CTXND2: variants seen among roughly 807,000 people sequenced by gnomAD.
The protein encoded by CTXND2 is cortexin domain containing 2.
chr1:150,908,333 G>A (rs1199220739), intron 1 of CTXND2, among the ~76,000 whole-genome samples: 2 of 152,070 alleles, frequency 1.3e-5, no homozygotes. Flanking sequence ...ATAATTTTAG[G>A]AACTTCCAGA....
chr1:150,889,161 G>A (rs1480700838), intron 1 of CTXND2, among the ~76,000 whole-genome samples: 1 of 152,010 alleles, frequency 6.6e-6, no homozygotes, highest in Non-Finnish European at 1.5e-5. Flanking sequence ...TGTAATCCCA[G>A]CACTCTGGGA....
chr1:150,893,975 C>G (rs1312986032), intron 1 of CTXND2, among the ~76,000 whole-genome samples: 1 of 129,464 alleles, frequency 7.7e-6, no homozygotes, highest in Non-Finnish European at 1.7e-5. Context: ...ATATTAGTAT[C>G]TTTTTTTTCT....
At chr1:150,891,191 A>G (rs1221766529) in intron 1 of CTXND2, among the ~76,000 whole-genome samples, 1 of 150,748 alleles carries the variant, frequency 6.6e-6, no homozygotes, top group African/African-American at 2.4e-5. Context: ...ATTCCTGCCT[A>G]TCTGATATTT....
intron 1 of CTXND2, among the ~76,000 whole-genome samples, chr1:150,896,145 T>G (rs1464415984): frequency 6.6e-6 from 1 of 152,076 alleles, no homozygotes; most frequent in Non-Finnish European, 1.5e-5. Context: ...AGATGATAGG[T>G]AGGGGGAATA....
chr1:150,892,892 G>A (rs1668871227), intron 1 of CTXND2, among the ~76,000 whole-genome samples: 3 of 152,008 alleles, frequency 2.0e-5, no homozygotes, highest in African/African-American at 2.4e-5. Context: ...TAAGAAAATT[G>A]ATTTGTCAGT....
chr1:150,891,203 T>G (rs1217822143), intron 1 of CTXND2, among the ~76,000 whole-genome samples: 1 of 139,228 alleles, frequency 7.2e-6, no homozygotes, highest in Non-Finnish European at 1.6e-5. Flanking sequence ...CTGATATTTC[T>G]TTTCTTTCTT....
At chr1:150,912,092 A>C (rs991064354) in intron 1 of CTXND2, 150 bp from the exon 2 acceptor site, 2 of 364,256 alleles carry the variant, frequency 5.5e-6, no homozygotes, top group Admixed American at 4.6e-5. Context: ...TCAGTCATCT[A>C]TATTAACTTT....
At chr1:150,906,368 A>T (rs1217061180) in intron 1 of CTXND2, among the ~76,000 whole-genome samples, 2 of 152,160 alleles carry the variant, frequency 1.3e-5, no homozygotes, top group African/African-American at 4.8e-5. Flanking sequence ...TATCGGCATT[A>T]TGGGATGTAC....
intron 1 of CTXND2, among the ~76,000 whole-genome samples, chr1:150,895,492 C>T (rs1668904378): frequency 6.6e-6 from 1 of 152,056 alleles, no homozygotes; most frequent in South Asian, 2.1e-4. Context: ...TATAGGTGCG[C>T]ACCACTACGC....
At chr1:150,908,803 A>AT (rs397821440) in intron 1 of CTXND2, among the ~76,000 whole-genome samples, 2 of 150,850 alleles carry the variant, frequency 1.3e-5, no homozygotes, top group South Asian at 2.1e-4. Context: ...AAAAAAAAAA[A>AT]TTAAGAAACA....
intron 1 of CTXND2, among the ~76,000 whole-genome samples, chr1:150,895,054 CAT>C (rs766325719): frequency 4.3e-4 from 64 of 149,330 alleles, no homozygotes; most frequent in African/African-American, 1.1e-3. Context: ...TATATATATA[CAT>C]ATATATATAT....
intron 1 of CTXND2, among the ~76,000 whole-genome samples, chr1:150,909,723 G>C (rs1669216457): frequency 6.6e-6 from 1 of 152,114 alleles, no homozygotes; most frequent in African/African-American, 2.4e-5. Context: ...GTTCGGTCTA[G>C]GTCCTGCTGC....
chr1:150,905,103 C>CACAA (rs1491163673), intron 1 of CTXND2, among the ~76,000 whole-genome samples: 5 of 134,700 alleles, frequency 3.7e-5, no homozygotes, highest in Admixed American at 2.3e-4. Context: ...CACACACACA[C>CACAA]AAATCACCCT....
chr1:150,888,190 C>G (rs1668798685), intron 1 of CTXND2, among the ~76,000 whole-genome samples: 1 of 151,266 alleles, frequency 6.6e-6, no homozygotes, highest in South Asian at 2.1e-4. Context: ...TGACTTTTCC[C>G]CCCATTTTGA....
intron 1 of CTXND2, among the ~76,000 whole-genome samples, chr1:150,901,859 A>T (rs929172394): frequency 6.8e-6 from 1 of 147,850 alleles, no homozygotes. Context: ...TGGAGCTTGC[A>T]GTGAGCCAAG....
chr1:150,910,630 A>ATTT (rs200364038), intron 1 of CTXND2, among the ~76,000 whole-genome samples: 2 of 129,886 alleles, frequency 1.5e-5, no homozygotes, highest in Admixed American at 7.7e-5. Flanking sequence ...TGGACTCTCA[A>ATTT]TTTTTTTTTT....
intron 1 of CTXND2, among the ~76,000 whole-genome samples, chr1:150,887,887 C>G (rs1482701963): frequency 6.7e-6 from 1 of 150,218 alleles, no homozygotes; most frequent in East Asian, 1.9e-4. Flanking sequence ...ATGGATCTTT[C>G]TGGAACTGAA....
chr1:150,898,587 C>A (rs587644770), intron 1 of CTXND2, among the ~76,000 whole-genome samples: 3 of 151,588 alleles, frequency 2.0e-5, no homozygotes, highest in East Asian at 3.9e-4. Flanking sequence ...AAAACCCTGT[C>A]TCTACTAAAA....
At chr1:150,893,277 G>A (rs1159542152) in intron 1 of CTXND2, among the ~76,000 whole-genome samples, 2 of 152,034 alleles carry the variant, frequency 1.3e-5, no homozygotes, top group Non-Finnish European at 2.9e-5. Context: ...TGACGTCTGT[G>A]AATAGTAAAC....
Sources: allele counts gnomAD v4.1 joint callset (sites outside exome capture counted in the v4.1 genomes callset), GRCh38; gene constraint gnomAD v4.1.1; transcripts MANE v1.5; gene names NCBI Gene and HGNC (gene_info 2026-07-23, HGNC 2026-07-21).